USH2A: variants seen among roughly 807,000 people sequenced by gnomAD.
The protein encoded by USH2A is usherin.
USH2A carries 443 observed loss-of-function variants against 538.9 expected under a neutral mutation model. That is an observed-to-expected ratio of 0.82 (90% CI 0.76 to 0.89). The LOEUF is 0.89. Ranked by LOEUF, USH2A falls within the 40% of genes least tolerant of loss-of-function variation. USH2A has a pLI of 0.00. For missense variants in USH2A, 6,633 were observed against 6,324.8 expected, an observed-to-expected ratio of 1.05 and a Z score of -1.65; for synonymous variants, 2,413 against 2,273.5, an observed-to-expected ratio of 1.06 and a Z score of -1.75.
chr1:216,324,099 A>G, intron 7 of USH2A, 69 bp downstream of exon 7: 1 of 1,526,472 alleles, frequency 6.6e-7, no homozygotes, highest in Non-Finnish European at 8.9e-7. Flanking sequence ...CAGCCTAGAG[A>G]GCTAGCATAC....
Position 216,237,494 on chromosome 1 carries a change from T to TAA in USH2A, c.2810-5360_2810-5359dup, listed in dbSNP as rs59074625. The stretch of plus-strand genomic sequence containing the variant: ...TGGGCGACAGAGCAAGACTCCGTCT[T>TAA]AAAAAAAAAAAAAAAAAAAAGAAAG... On this transcript the variant is annotated intron_variant, in intron 13 of 71. Transcript: ENST00000307340. Among the ~76,000 whole-genome samples the TAA allele has an allele frequency of 1.1e-3, 120 of 114,268 alleles. 1 individual carries two copies. Among genetic ancestry groups the TAA allele is most frequent in the Middle Eastern group, 8.9e-3 (2 of 224 alleles). 75.0% of individuals were successfully genotyped at this position (114,268 alleles called of 152,430 possible). A position where few individuals can be genotyped will look rare whatever the true frequency, so the allele number is the denominator to read the frequency against.
At chr1:216,383,543 A>G (rs1441859505) in intron 3 of USH2A, among the ~76,000 whole-genome samples, 1 of 152,248 alleles carries the variant, frequency 6.6e-6, no homozygotes, top group Non-Finnish European at 1.5e-5. Context: ...TTATTTCAAC[A>G]AAACTGGAAT....
intron 62 of USH2A, among the ~76,000 whole-genome samples, chr1:215,675,831 C>CT (rs377133904): frequency 4.6e-4 from 69 of 151,146 alleles, no homozygotes; most frequent in African/African-American, 5.8e-4. Context: ...TTTTTCTTTT[C>CT]TTTTTTTTCA....
At position 215,647,728 on chromosome 1, in the gene USH2A, T is replaced by C. The variant is rs1450114363; in HGVS notation, c.14585A>G (p.Tyr4862Cys). Residue 4862 changes from tyrosine (Y) to cysteine (C), a missense_variant and splice_region_variant, in exon 67 of 72, where the codon TAT becomes TGT. Coordinates refer to ENST00000307340, the MANE Select transcript of USH2A (RefSeq NM_206933.4). ...PMFPNGVIHS[Y>C]ELQFHVACPP... ...GCAAGCCACGTGGAATTGGAGTTCA[T>C]AGCTAAAATGAGAATGGATACGTAG... is the stretch of plus-strand genomic sequence containing the variant. 18 of 1,614,152 alleles carry C rather than the reference T, an allele frequency of 1.1e-5. No individual in the cohort carries two copies. Among genetic ancestry groups the C allele is most frequent in the Non-Finnish European group, 1.5e-5 (18 of 1,180,012 alleles).
intron 43 of USH2A, among the ~76,000 whole-genome samples, chr1:215,877,265 C>T (rs141099039): frequency 1.3e-3 from 204 of 152,292 alleles, no homozygotes; most frequent in African/African-American, 4.5e-3. Context: ...TTAGCCTTTA[C>T]TGAATGTCTT....
chr1:215,916,757 T>A (rs891595694), intron 38 of USH2A, among the ~76,000 whole-genome samples: 1 of 151,990 alleles, frequency 6.6e-6, no homozygotes, highest in African/African-American at 2.4e-5. Flanking sequence ...GGCACCAGAA[T>A]AAAAAGACAC....
chr1:216,168,093 C>A (rs540707869), intron 21 of USH2A, among the ~76,000 whole-genome samples: 1 of 152,048 alleles, frequency 6.6e-6, no homozygotes, highest in Non-Finnish European at 1.5e-5. Flanking sequence ...AAAACATACA[C>A]AAAATAATTC....
At chr1:216,004,499 G>A (rs1278781538) in intron 32 of USH2A, among the ~76,000 whole-genome samples, 1 of 152,168 alleles carries the variant, frequency 6.6e-6, no homozygotes, top group Non-Finnish European at 1.5e-5. Context: ...CAATATGGCA[G>A]TCATCAGTAA....
chr1:216,275,796 C>T lies in USH2A; in HGVS notation c.1971+13484G>A, dbSNP rs533241014. On this transcript the variant is annotated intron_variant, in intron 11 of 71. Transcript: ENST00000307340. ...GTGTCGATTCCAATAAATTAATTTG[C>T]TGCTTCTTTATATGAACATTGCTAT... 3.9e-5 allele frequency among the ~76,000 whole-genome samples: 6 copies of T among 152,164 alleles called. No individual in the cohort carries two copies. In the South Asian group the frequency reaches 6.2e-4, roughly 16 times the overall value.
intron 58 of USH2A, among the ~76,000 whole-genome samples, chr1:215,754,806 G>C (rs961531018): frequency 6.6e-6 from 1 of 152,178 alleles, no homozygotes; most frequent in African/African-American, 2.4e-5. Context: ...CATGTTTTCA[G>C]AGAAAACAGT....
chr1:215,793,559 T>C (rs1297403105), intron 50 of USH2A, among the ~76,000 whole-genome samples: 1 of 146,946 alleles, frequency 6.8e-6, no homozygotes, highest in Non-Finnish European at 1.5e-5. Context: ...ACTGATATAT[T>C]ACACTTTTCA....
At chr1:216,333,977 A>C (rs1425092014) in intron 4 of USH2A, among the ~76,000 whole-genome samples, 1 of 152,112 alleles carries the variant, frequency 6.6e-6, no homozygotes, top group Non-Finnish European at 1.5e-5. Context: ...CTTCTGGCTG[A>C]TATGATAGGA....
intron 11 of USH2A, among the ~76,000 whole-genome samples, chr1:216,288,194 A>G (rs1406062944): frequency 1.3e-5 from 2 of 152,150 alleles, no homozygotes; most frequent in Non-Finnish European, 1.5e-5. Flanking sequence ...AATATAATCT[A>G]AAGATACAGT....
Position 216,039,907 on chromosome 1 carries a change from A to C in USH2A, c.6325+6524T>G, listed in dbSNP as rs116210693. The stretch of plus-strand genomic sequence containing the variant: ...TGACCTTGGCAAATAAGACCAAAAA[A>C]AAAGTTTTAGCACTTTTAGTTGGTT... On this transcript the variant is annotated intron_variant, in intron 32 of 71. Transcript: ENST00000307340. Among the ~76,000 whole-genome samples, 1,386 of 152,122 alleles carry C rather than the reference A, an allele frequency of 9.1e-3. 19 individuals are homozygous for C. Among genetic ancestry groups the C allele is most frequent in the African/African-American group, 0.031 (1,302 of 41,510 alleles).
intron 21 of USH2A, among the ~76,000 whole-genome samples, chr1:216,123,203 G>A (rs988562560): frequency 6.6e-6 from 1 of 152,180 alleles, no homozygotes; most frequent in Non-Finnish European, 1.5e-5. Context: ...TGGGTAAATA[G>A]CACAGTTGCA....
chr1:216,022,440 A>G (rs1224525320), intron 32 of USH2A, among the ~76,000 whole-genome samples: 1 of 152,184 alleles, frequency 6.6e-6, no homozygotes, highest in Non-Finnish European at 1.5e-5. Context: ...TGAAGAATTC[A>G]CCATGAGAGA....
chr1:216,120,288 A>T (rs559903644), intron 21 of USH2A, among the ~76,000 whole-genome samples: 3 of 148,546 alleles, frequency 2.0e-5, no homozygotes, highest in Admixed American at 1.4e-4. Flanking sequence ...TAATCCCATC[A>T]CTTTGGGAGG....
At chr1:215,770,897 G>A (rs1227747293) in intron 55 of USH2A, among the ~76,000 whole-genome samples, 1 of 145,100 alleles carries the variant, frequency 6.9e-6, no homozygotes, top group Non-Finnish European at 1.5e-5. Context: ...TTGAGGTCAG[G>A]AGTTTGAGAC....
At chr1:215,854,744 T>G (rs1664113230) in intron 44 of USH2A, among the ~76,000 whole-genome samples, 1 of 152,198 alleles carries the variant, frequency 6.6e-6, no homozygotes, top group Non-Finnish European at 1.5e-5. Flanking sequence ...GCCATTTACA[T>G]AGTGCATGAA....
Sources: allele counts gnomAD v4.1 joint callset (sites outside exome capture counted in the v4.1 genomes callset), GRCh38; gene constraint gnomAD v4.1.1; transcripts MANE v1.5; gene names NCBI Gene and HGNC (gene_info 2026-07-23, HGNC 2026-07-21).